Variants in CSMD1 observed in about 807,000 individuals in gnomAD.
CSMD1 encodes CUB and sushi domain-containing protein 1.
In CSMD1, 213 loss-of-function variants were observed where a neutral mutation model predicts 417.5. The observed-to-expected ratio is 0.51, with a 90% CI of 0.46 to 0.57. The LOEUF (loss-of-function observed/expected upper bound fraction) is 0.57. Among genes scored for constraint, CSMD1 ranks in the 20% least tolerant of loss-of-function variants. The pLI, the probability that CSMD1 is intolerant of heterozygous loss-of-function variation, is 0.00. For missense variants in CSMD1, 6,923 were observed against 4,529.7 expected (o/e 1.53, Z -15.17); for synonymous variants, 2,862 against 1,736.8 (o/e 1.65, Z -16.11).
chr8:3,756,141 G>C (rs1035260064), intron 5 of CSMD1, among the ~76,000 whole-genome samples: 2 of 151,980 alleles, frequency 1.3e-5, no homozygotes, highest in Non-Finnish European at 2.9e-5. Flanking sequence ...TGGATCAAGA[G>C]GTCAGGAGAT....
intron 9 of CSMD1, among the ~76,000 whole-genome samples, chr8:3,578,060 T>G (rs1017397517): frequency 3.9e-5 from 6 of 152,164 alleles, no homozygotes; most frequent in African/African-American, 1.4e-4. Context: ...AAGCTTACAT[T>G]AATTTCTCTG....
At chr8:3,679,454 G>C (rs559837171) in intron 7 of CSMD1, among the ~76,000 whole-genome samples, 1 of 152,260 alleles carries the variant, frequency 6.6e-6, no homozygotes, top group Non-Finnish European at 1.5e-5. Flanking sequence ...TTACGTAATG[G>C]TAAAGGGATC....
chr8:4,718,163 G>C (rs765587040), intron 1 of CSMD1, among the ~76,000 whole-genome samples: 29 of 152,040 alleles, frequency 1.9e-4, no homozygotes, highest in Non-Finnish European at 3.8e-4. Flanking sequence ...TTTTTGTACA[G>C]ACAGGGTCTA....
intron 5 of CSMD1, among the ~76,000 whole-genome samples, chr8:3,826,337 G>A (rs1423176572): frequency 2.6e-5 from 4 of 152,138 alleles, no homozygotes; most frequent in African/African-American, 7.2e-5. Flanking sequence ...TGAGCTAAAA[G>A]AATGTTTGGG....
intron 23 of CSMD1, among the ~76,000 whole-genome samples, chr8:3,338,233 A>G (rs1394507637): frequency 1.3e-5 from 2 of 152,178 alleles, no homozygotes; most frequent in Non-Finnish European, 2.9e-5. Context: ...CTCCATGTCC[A>G]GGTCACCCTG....
chr8:3,275,915 T>G (rs1384870515), intron 26 of CSMD1, among the ~76,000 whole-genome samples: 1 of 152,200 alleles, frequency 6.6e-6, no homozygotes, highest in Non-Finnish European at 1.5e-5. Context: ...GTCTGAAGCC[T>G]TCTTCTCTCA....
At position 3,087,212 on chromosome 8, in the gene CSMD1, G is replaced by A. The variant is rs770613136; in HGVS notation, c.7359C>T (p.Ser2453=). ...ILNRTAGAVG[S]KVHYFCKPGY... Reference sequence around the variant, plus strand: ...CAGGCTTGCAAAAATAATGCACTTTGCTTCCAACCGCTCCTGCAGTCCTGT... The same window carrying A: ...CAGGCTTGCAAAAATAATGCACTTTACTTCCAACCGCTCCTGCAGTCCTGT... Residue 2453 remains serine (S), a synonymous_variant, in exon 49 of 70, where the codon AGC becomes AGT. Transcript: ENST00000635120. 9.9e-6 allele frequency: 16 copies of A among 1,613,810 alleles called. No homozygotes were observed. Among genetic ancestry groups the A allele is most frequent in the Admixed American group, 3.3e-5 (2 of 60,002 alleles).
At chr8:3,295,283 C>T (rs1011447020) in intron 25 of CSMD1, among the ~76,000 whole-genome samples, 2 of 151,928 alleles carry the variant, frequency 1.3e-5, no homozygotes, top group South Asian at 2.1e-4. Context: ...CACCACCACA[C>T]ATGGCTAATT....
chr8:4,434,796 C>T (rs1798061674), intron 2 of CSMD1, among the ~76,000 whole-genome samples: 1 of 152,134 alleles, frequency 6.6e-6, no homozygotes, highest in African/African-American at 2.4e-5. Context: ...GACCCTGCAC[C>T]GCCCATGAAG....
At chr8:4,727,074 G>A (rs998352776) in intron 1 of CSMD1, among the ~76,000 whole-genome samples, 1 of 152,026 alleles carries the variant, frequency 6.6e-6, no homozygotes, top group Non-Finnish European at 1.5e-5. Context: ...TGATGTCAGG[G>A]CTTTCTACCG....
chr8:4,797,225 G>A (rs929215413), intron 1 of CSMD1, among the ~76,000 whole-genome samples: 2 of 152,162 alleles, frequency 1.3e-5, no homozygotes, highest in African/African-American at 4.8e-5. Flanking sequence ...TTCCAATGAG[G>A]GAGATGAGGT....
At chr8:4,787,527 G>A (rs1043073206) in intron 1 of CSMD1, 11 of 1,179,100 alleles carry the variant, frequency 9.3e-6, no homozygotes, top group Non-Finnish European at 1.3e-5. Context: ...TAGGAAGCAG[G>A]TATTAAAACT....
chr8:4,060,085 C>G (rs907324926), intron 3 of CSMD1, among the ~76,000 whole-genome samples: 1 of 152,154 alleles, frequency 6.6e-6, no homozygotes, highest in Non-Finnish European at 1.5e-5. Context: ...CACCAAAAAG[C>G]CTATCCACCA....
intron 3 of CSMD1, among the ~76,000 whole-genome samples, chr8:4,344,113 C>A (rs1800641698): frequency 6.6e-6 from 1 of 152,052 alleles, no homozygotes; most frequent in Non-Finnish European, 1.5e-5. Flanking sequence ...AGTAAAAGGC[C>A]TATTCAAAAA....
rs996825887 is a variant in CSMD1 at position 3,786,498 on chromosome 8, A to G, written c.819-32456T>C. On this transcript the variant is annotated intron_variant, in intron 5 of 69. Coordinates refer to ENST00000635120, the MANE Select transcript of CSMD1 (RefSeq NM_033225.6). ...GAATGGTGACAGATAGTGTCAGACA[A>G]CCTAGGAGTGGGTGAGAGCCAAGAA... Among the ~76,000 whole-genome samples the G allele has an allele frequency of 1.3e-4, 20 of 152,182 alleles. No individual in the cohort carries two copies. The East Asian group carries it at 3.9e-3, about 29-fold the overall frequency.
intron 3 of CSMD1, among the ~76,000 whole-genome samples, chr8:4,355,386 C>T (rs1002615671): frequency 6.6e-6 from 1 of 151,722 alleles, no homozygotes; most frequent in African/African-American, 2.4e-5. Context: ...AAAAATGACG[C>T]GTTAAGAGTG....
At chr8:4,818,448 A>C (rs1799329695) in intron 1 of CSMD1, among the ~76,000 whole-genome samples, 1 of 152,208 alleles carries the variant, frequency 6.6e-6, no homozygotes, top group Non-Finnish European at 1.5e-5. Flanking sequence ...AGAGCTCAGT[A>C]AATCCAAACT....
intron 2 of CSMD1, among the ~76,000 whole-genome samples, chr8:4,599,549 C>G (rs1232797021): frequency 6.7e-6 from 1 of 148,718 alleles, no homozygotes; most frequent in African/African-American, 2.5e-5. Context: ...TATAAAATTA[C>G]AAAAAAAAAT....
intron 1 of CSMD1, among the ~76,000 whole-genome samples, chr8:4,760,788 A>C (rs1811988233): frequency 1.3e-5 from 2 of 152,176 alleles, no homozygotes; most frequent in Non-Finnish European, 2.9e-5. Context: ...TAGATCTGTC[A>C]AAAACAAAAA....
Sources: allele counts gnomAD v4.1 joint callset (sites outside exome capture counted in the v4.1 genomes callset), GRCh38; gene constraint gnomAD v4.1.1; transcripts MANE v1.5; gene names NCBI Gene and HGNC (gene_info 2026-07-23, HGNC 2026-07-21).